FLYWCH1: variants seen among roughly 807,000 people sequenced by gnomAD.
FLYWCH1 encodes FLYWCH-type zinc finger-containing protein 1.
In FLYWCH1, 75 loss-of-function variants were observed where a neutral mutation model predicts 66.4. The observed-to-expected ratio is 1.13, with a 90% CI of 0.94 to 1.37. The LOEUF is 1.37. FLYWCH1 is among the 40% of genes most tolerant of loss of function. FLYWCH1 has a pLI of 0.00. For synonymous variants in FLYWCH1, 595 were observed against 429.9 expected, an observed-to-expected ratio of 1.38 and a Z score of -4.75; for missense variants, 1,334 against 1,001.8, an observed-to-expected ratio of 1.33 and a Z score of -4.48.
intron 2 of FLYWCH1, among the ~76,000 whole-genome samples, chr16:2,920,413 G>A (rs1171996704): frequency 6.6e-6 from 1 of 151,886 alleles, no homozygotes; most frequent in African/African-American, 2.4e-5. Context: ...TACTCAGGAG[G>A]CTGAGGCCTG....
At chr16:2,940,172 C>G (rs1475714197) in intron 9 of FLYWCH1, 80 bp downstream of exon 9, 6 of 743,696 alleles carry the variant, frequency 8.1e-6, no homozygotes, top group Non-Finnish European at 1.4e-5. Context: ...TATTTGCTGT[C>G]TCAGCTTTTG....
chr16:2,938,124 C>G lies in FLYWCH1; in HGVS notation c.1778-60C>G. The G allele has an allele frequency of 2.0e-6, 3 of 1,531,672 alleles. No individual in the cohort carries two copies. In the South Asian group the frequency reaches 3.7e-5, roughly 19 times the overall value. 94.9% of individuals were successfully genotyped at this position (1,531,672 alleles called of 1,614,324 possible). Reference sequence around the variant, plus strand: ...GCCTGGCTGGGGGATACAAATCAGACCCCCAGCCCTGCCACCCAGGCCCCT... The same window carrying G: ...GCCTGGCTGGGGGATACAAATCAGAGCCCCAGCCCTGCCACCCAGGCCCCT... On this transcript the variant is annotated intron_variant, in intron 7 of 9. Coordinates refer to ENST00000253928, the MANE Select transcript of FLYWCH1 (RefSeq NM_001308068.2).
rs2071602471 is a variant in FLYWCH1 at position 2,949,143 on chromosome 16, C to G, written c.*416C>G. 1 of 195,184 alleles carries G rather than the reference C, an allele frequency of 5.1e-6. No homozygotes were observed. The highest frequency in any genetic ancestry group is 1.1e-5 in the Non-Finnish European group (1 of 94,980). The allele number at this position is 195,184 out of a possible 1,614,324, so 12.1% of individuals were successfully genotyped here. ...CAAAGTGAATGCTGCTGTCTTGGAG[C>G]CTGGGCACGTTTGGGGAAGTTCCTG... On this transcript the variant is annotated 3_prime_UTR_variant, in exon 10 of 10. Transcript: ENST00000253928.
chr16:2,948,511 C>T (rs556948946), intron 9 of FLYWCH1, among the ~76,000 whole-genome samples, 177 bp from the exon 10 acceptor site: 5 of 151,484 alleles, frequency 3.3e-5, no homozygotes, highest in Middle Eastern at 6.8e-3. Flanking sequence ...TGCAGTGAGC[C>T]GAGATCGCAC....
Position 2,930,422 on chromosome 16 carries a change from CCCTGGAGTT to C in FLYWCH1, c.343_351del (p.Glu115_Leu117del), listed in dbSNP as rs1330492332. ...CCCGTTCCCCCAGCAGCCCCTCAGT[CCCTGGAGTT>C]CCTGAGGACACCATTCGGGGGCCGC... is the stretch of plus-strand genomic sequence containing the variant. On this transcript the variant is annotated inframe_deletion, in exon 4 of 10. Coordinates refer to ENST00000253928, the MANE Select transcript of FLYWCH1 (RefSeq NM_001308068.2). 3.3e-5 allele frequency: 48 copies of C among 1,465,658 alleles called. No individual in the cohort carries two copies. The highest frequency in any genetic ancestry group is 4.3e-5 in the Non-Finnish European group (48 of 1,107,966). 90.8% of individuals were successfully genotyped at this position (1,465,658 alleles called of 1,614,324 possible).
At chr16:2,928,437 C>T (rs1018824719) in intron 2 of FLYWCH1, among the ~76,000 whole-genome samples, 1 of 152,196 alleles carries the variant, frequency 6.6e-6, no homozygotes, top group African/African-American at 2.4e-5. Flanking sequence ...TGGCTTTCCA[C>T]AGTGCATTGT....
At chr16:2,942,726 T>TC (rs760348355) in intron 9 of FLYWCH1, among the ~76,000 whole-genome samples, 25 of 136,226 alleles carry the variant, frequency 1.8e-4, no homozygotes, top group Non-Finnish European at 3.6e-4. Flanking sequence ...GGAACTTTTT[T>TC]TTTTTTTTTT....
intron 6 of FLYWCH1, chr16:2,934,724 C>G (rs771418355): frequency 2.2e-6 from 1 of 453,986 alleles, no homozygotes; most frequent in Non-Finnish European, 4.4e-6. Flanking sequence ...GATTGTCTTT[C>G]TCTTTTTGTT....
intron 2 of FLYWCH1, among the ~76,000 whole-genome samples, chr16:2,915,797 G>A (rs370620123): frequency 9.5e-4 from 138 of 144,804 alleles, no homozygotes; most frequent in African/African-American, 2.9e-3. Context: ...ACTCTGTGTC[G>A]AGAGAAAAAA....
At chr16:2,938,855 G>A (rs138053136) in intron 8 of FLYWCH1, among the ~76,000 whole-genome samples, 20 of 151,208 alleles carry the variant, frequency 1.3e-4, no homozygotes, top group South Asian at 6.3e-4. Context: ...CTCGTGATCC[G>A]CCTGTCTTGG....
At position 2,933,975 on chromosome 16, in the gene FLYWCH1, C is replaced by T. The variant is rs1245142828; in HGVS notation, c.1509C>T (p.Ser503=). 1 of 1,528,266 alleles carries T rather than the reference C, an allele frequency of 6.5e-7. No homozygotes were observed. The highest frequency in any genetic ancestry group is 1.2e-5 in the South Asian group (1 of 82,830). 94.7% of individuals were successfully genotyped at this position (1,528,266 alleles called of 1,614,324 possible). The change falls in exon 6 of 10, where the codon AGC becomes AGT. Residue 503 remains serine, a synonymous_variant. Transcript: ENST00000253928. The part of the protein sequence containing the change: ...EKRPNTAQRG[S]PGGPEFLKTP... ...GCCCCAACACGGCGCAGCGGGGGAG[C>T]CCAGGTACCTGGGGGTGGGCTGGGA...
chr16:2,947,942 G>A (rs1456741978), intron 9 of FLYWCH1, among the ~76,000 whole-genome samples: 3 of 152,084 alleles, frequency 2.0e-5, no homozygotes, highest in Non-Finnish European at 2.9e-5. Context: ...TTGGGAGGCT[G>A]AGGTGGGAGG....
intron 4 of FLYWCH1, among the ~76,000 whole-genome samples, chr16:2,931,449 C>A (rs2070759938): frequency 6.6e-6 from 1 of 151,674 alleles, no homozygotes; most frequent in African/African-American, 2.4e-5. Flanking sequence ...TATAGTGAGA[C>A]CCCATATCTA....
At chr16:2,947,163 T>C (rs2071519283) in intron 9 of FLYWCH1, among the ~76,000 whole-genome samples, 1 of 152,224 alleles carries the variant, frequency 6.6e-6, no homozygotes, top group African/African-American at 2.4e-5. Flanking sequence ...AACGAAGTAC[T>C]GACGCATGCT....
At chr16:2,941,785 G>A (rs1253419774) in intron 9 of FLYWCH1, among the ~76,000 whole-genome samples, 1 of 151,748 alleles carries the variant, frequency 6.6e-6, no homozygotes, top group Non-Finnish European at 1.5e-5. Flanking sequence ...CACACTGGGA[G>A]ACCGAGGGAG....
rs372182963 is a variant in FLYWCH1, at chr16:2,915,869, A to G, written c.-74+1580A>G. ...TTCTAGATCAGGAATATTGAAATGA[A>G]TGTGCAAATGGAGGCAAAACTGGCC... On this transcript the variant is annotated intron_variant, in intron 2 of 9. Transcript: ENST00000253928. Among the ~76,000 whole-genome samples, 3 of 152,152 alleles carry G rather than the reference A, an allele frequency of 2.0e-5. No homozygotes were observed. In the East Asian group the frequency reaches 5.8e-4, roughly 29 times the overall value.
At chr16:2,920,625 C>T (rs2070336722) in intron 2 of FLYWCH1, among the ~76,000 whole-genome samples, 1 of 151,940 alleles carries the variant, frequency 6.6e-6, no homozygotes, top group African/African-American at 2.4e-5. Context: ...TCTTGTTGCC[C>T]AGGCTGGAGT....
intron 2 of FLYWCH1, among the ~76,000 whole-genome samples, chr16:2,925,138 G>A (rs1225239492): frequency 6.6e-6 from 1 of 152,216 alleles, no homozygotes; most frequent in Admixed American, 6.5e-5. Flanking sequence ...TGCATAGTCT[G>A]GGAGGCCTCT....
At chr16:2,923,766 A>T (rs569536692) in intron 2 of FLYWCH1, among the ~76,000 whole-genome samples, 23 of 152,092 alleles carry the variant, frequency 1.5e-4, no homozygotes, top group African/African-American at 5.3e-4. Context: ...GGCCCGGCGT[A>T]GTGGCTCACA....
Sources: allele counts gnomAD v4.1 joint callset (sites outside exome capture counted in the v4.1 genomes callset), GRCh38; gene constraint gnomAD v4.1.1; transcripts MANE v1.5; gene names NCBI Gene and HGNC (gene_info 2026-07-23, HGNC 2026-07-21).